UTRN: variants seen among roughly 807,000 people sequenced by gnomAD.
The protein encoded by UTRN is utrophin, also known as dystrophin-related protein 1.
A neutral mutation model predicts 463.9 loss-of-function variants in UTRN; 283 were observed. That is an observed-to-expected ratio of 0.61 (90% CI 0.55 to 0.67). The LOEUF is 0.67. Among genes scored for constraint, UTRN ranks in the 30% least tolerant of loss-of-function variants. The pLI is 0.00. For missense variants in UTRN, 3,922 were observed against 4,084.3 expected (o/e 0.96, Z 1.08); for synonymous variants, 1,442 against 1,431.5 (o/e 1.01, Z -0.17).
At chr6:144,837,281 T>C (rs766160632) in intron 71 of UTRN, 10 of 152,280 alleles carry the variant, frequency 6.6e-5, no homozygotes, top group Non-Finnish European at 1.0e-4. Context: ...CTTTGAGATA[T>C]AAAAGAAGCA....
At chr6:144,685,606 G>A (rs1166133725) in intron 52 of UTRN, among the ~76,000 whole-genome samples, 5 of 152,116 alleles carry the variant, frequency 3.3e-5, no homozygotes, top group Non-Finnish European at 5.9e-5. Context: ...GCATTTCCCT[G>A]AGGATTAGTG....
At chr6:144,762,484 A>G (rs964071363) in intron 58 of UTRN, among the ~76,000 whole-genome samples, 5 of 152,234 alleles carry the variant, frequency 3.3e-5, no homozygotes, top group Admixed American at 3.3e-4. Flanking sequence ...GACAAAGCCC[A>G]TGCTTTTTCC....
rs552226235 is a variant in UTRN, at chr6:144,741,081, G to T, written c.7940-7165G>T. Among the ~76,000 whole-genome samples, 19 of 152,354 alleles carry T rather than the reference G, an allele frequency of 1.2e-4. No homozygotes were observed. The South Asian group carries it at 2.3e-3, about 18-fold the overall frequency. ...TTTGTGATTGTTGTTGTTCTTAGTA[G>T]AAAACTGGAATCTTCCAAGAATTAG... On this transcript the variant is annotated intron_variant, in intron 54 of 74. Coordinates refer to ENST00000367545, the MANE Select transcript of UTRN (RefSeq NM_007124.3).
chr6:144,767,951 A>G (rs1586470463), intron 58 of UTRN, among the ~76,000 whole-genome samples: 1 of 152,186 alleles, frequency 6.6e-6, no homozygotes, highest in Non-Finnish European at 1.5e-5. Flanking sequence ...ATATTTGGGT[A>G]AGTGTTAGTT....
chr6:144,530,848 C>T (rs531600996), intron 41 of UTRN, among the ~76,000 whole-genome samples: 31 of 152,032 alleles, frequency 2.0e-4, no homozygotes, highest in African/African-American at 6.5e-4. Context: ...GATTGCTTTG[C>T]CCTTGTTATG....
chr6:144,348,905 G>T (rs1777842303), intron 2 of UTRN, among the ~76,000 whole-genome samples: 1 of 151,988 alleles, frequency 6.6e-6, no homozygotes, highest in African/African-American at 2.4e-5. Flanking sequence ...TTGCACTCTA[G>T]CCTGGGCAAC....
intron 50 of UTRN, among the ~76,000 whole-genome samples, chr6:144,574,995 T>A (rs1801296451): frequency 6.6e-6 from 1 of 152,202 alleles, no homozygotes; most frequent in Non-Finnish European, 1.5e-5. Context: ...TCAAAATGGC[T>A]GTACTTTTAC....
intron 51 of UTRN, among the ~76,000 whole-genome samples, chr6:144,586,218 T>G (rs1428904606): frequency 6.6e-6 from 1 of 151,996 alleles, no homozygotes; most frequent in Non-Finnish European, 1.5e-5. Context: ...AAGGGAGGAA[T>G]GAAAAAAGGC....
At chr6:144,635,523 TTTTTTTCTTTTC>T (rs1777057620) in intron 51 of UTRN, among the ~76,000 whole-genome samples, 68 of 77,532 alleles carry the variant, frequency 8.8e-4, no homozygotes, top group East Asian at 3.3e-3. Flanking sequence ...TCTTTTTTTT[TTTTTTTCTTTTC>T]TTTTTTTTTT....
chr6:144,516,503 AATGTGATTTTTTG>A (rs1795619479), intron 38 of UTRN, 116 bp downstream of exon 38: 1 of 1,231,588 alleles, frequency 8.1e-7, no homozygotes, highest in African/African-American at 1.5e-5. Context: ...AACAGATTCA[AATGTGATTTTTTG>A]ATGTGTGTCA....
At chr6:144,690,660 G>C (rs1783304772) in intron 52 of UTRN, among the ~76,000 whole-genome samples, 1 of 152,132 alleles carries the variant, frequency 6.6e-6, no homozygotes, top group Non-Finnish European at 1.5e-5. Context: ...GACAGGATCA[G>C]GAATGACTTC....
intron 51 of UTRN, among the ~76,000 whole-genome samples, chr6:144,593,222 A>G (rs528561096): frequency 3.9e-5 from 6 of 152,332 alleles, no homozygotes; most frequent in African/African-American, 1.4e-4. Flanking sequence ...AAAGCAACAA[A>G]AGAATGAAGC....
chr6:144,331,041 G>T (rs1776298501), intron 2 of UTRN: 2 of 985,200 alleles, frequency 2.0e-6, no homozygotes, highest in South Asian at 4.7e-5. Context: ...TGAGAATGTG[G>T]CTACTTAAAT....
chr6:144,829,293 T>C (rs1283153193), intron 69 of UTRN, among the ~76,000 whole-genome samples: 1 of 152,104 alleles, frequency 6.6e-6, no homozygotes. Flanking sequence ...TACTTAGATA[T>C]ATACTCCTAC....
chr6:144,444,099 T>A (rs1158441024), intron 13 of UTRN, among the ~76,000 whole-genome samples, 182 bp from the exon 14 acceptor site: 1 of 152,208 alleles, frequency 6.6e-6, no homozygotes, highest in Non-Finnish European at 1.5e-5. Flanking sequence ...CTATGGAAAT[T>A]AGTTTTTCTG....
chr6:144,652,568 TTTCAAGCGTTATC>T (rs1437794719), intron 51 of UTRN, among the ~76,000 whole-genome samples: 1 of 152,184 alleles, frequency 6.6e-6, no homozygotes, highest in Non-Finnish European at 1.5e-5. Context: ...AGACATTCAT[TTTCAAGCGTTATC>T]AATGGATTTT....
At chr6:144,350,022 T>C (rs2114655094) in intron 2 of UTRN, among the ~76,000 whole-genome samples, 1 of 152,262 alleles carries the variant, frequency 6.6e-6, no homozygotes, top group South Asian at 2.1e-4. Context: ...GGTTCTACCA[T>C]TGTGCTAAAG....
chr6:144,734,503 T>G (rs981231724), intron 54 of UTRN, among the ~76,000 whole-genome samples: 1 of 152,192 alleles, frequency 6.6e-6, no homozygotes, highest in Non-Finnish European at 1.5e-5. Context: ...CATTCTTCCA[T>G]CAGTCTTTGC....
chr6:144,659,984 G>A (rs975957568), intron 51 of UTRN: 3 of 294,596 alleles, frequency 1.0e-5, no homozygotes, highest in Non-Finnish European at 2.0e-5. Context: ...AAATACAGAA[G>A]CAGGTCTATT....
Sources: allele counts gnomAD v4.1 joint callset (sites outside exome capture counted in the v4.1 genomes callset), GRCh38; gene constraint gnomAD v4.1.1; transcripts MANE v1.5; gene names NCBI Gene and HGNC (gene_info 2026-07-23, HGNC 2026-07-21).